CALD1: variants seen among roughly 807,000 people sequenced by gnomAD.
CALD1 encodes the protein caldesmon.
Under a neutral mutation model 99.9 loss-of-function variants are expected in CALD1, and 33 were observed. That is an observed-to-expected ratio of 0.33 (90% CI 0.25 to 0.44). CALD1 has a LOEUF of 0.44. CALD1 is among the 20% of genes least tolerant of loss of function. The pLI is 1.00. For missense variants in CALD1, 861 were observed against 962.1 expected (o/e 0.89, Z 1.39); for synonymous variants, 310 against 325.0 (o/e 0.95, Z 0.50).
chr7:134,838,816 T>C (rs1014540599), intron 1 of CALD1, among the ~76,000 whole-genome samples: 2 of 152,222 alleles, frequency 1.3e-5, no homozygotes, highest in African/African-American at 4.8e-5. Flanking sequence ...TGACAAGAGA[T>C]AGTGAACTTT....
At chr7:134,836,059 C>T (rs570401974) in intron 1 of CALD1, among the ~76,000 whole-genome samples, 2 of 149,642 alleles carry the variant, frequency 1.3e-5, no homozygotes, top group Admixed American at 1.3e-4. Context: ...GCAGGAGAAT[C>T]ACTTGAACCT....
chr7:134,848,917 G>A (rs3800734), intron 2 of CALD1, among the ~76,000 whole-genome samples: 78,026 of 151,992 alleles, frequency 0.51, 22,318 homozygotes, highest in African/African-American at 0.77. Flanking sequence ...TCAGTCAGTC[G>A]TTAATTCATT....
chr7:134,935,885 G>A, intron 6 of CALD1, 120 bp downstream of exon 6: 1 of 927,244 alleles, frequency 1.1e-6, no homozygotes, highest in Non-Finnish European at 1.6e-6. Flanking sequence ...TTCAAGCCAT[G>A]ACTCACAGTC....
intron 11 of CALD1, among the ~76,000 whole-genome samples, chr7:134,958,885 A>T (rs1356607178): frequency 6.4e-5 from 3 of 46,766 alleles, no homozygotes; most frequent in South Asian, 7.4e-4. Context: ...ATATATATAT[A>T]TATATATATA....
chr7:134,835,785 A>G (rs1799410197), intron 1 of CALD1, among the ~76,000 whole-genome samples: 1 of 152,172 alleles, frequency 6.6e-6, no homozygotes, highest in Admixed American at 6.5e-5. Context: ...AAGAGGTTCA[A>G]TTTGGCCAAA....
chr7:134,796,807 G>A (rs1329750338), intron 1 of CALD1, among the ~76,000 whole-genome samples: 9 of 152,076 alleles, frequency 5.9e-5, no homozygotes, highest in African/African-American at 1.7e-4. Context: ...GGTTGGTCTT[G>A]AACTCCTGGC....
chr7:134,784,854 C>T (rs796442969), intron 1 of CALD1, among the ~76,000 whole-genome samples: 13 of 152,298 alleles, frequency 8.5e-5, no homozygotes, highest in African/African-American at 2.4e-4. Flanking sequence ...GCTCAGCGCA[C>T]GTGTCTGCCT....
At chr7:134,862,159 T>C (rs1406905150) in intron 2 of CALD1, among the ~76,000 whole-genome samples, 1 of 152,238 alleles carries the variant, frequency 6.6e-6, no homozygotes. Context: ...TAAGGTTATA[T>C]GATCCAATGA....
intron 7 of CALD1, among the ~76,000 whole-genome samples, chr7:134,943,901 A>G: frequency 6.6e-6 from 1 of 152,210 alleles, no homozygotes; most frequent in East Asian, 1.9e-4. Context: ...AATTAATGAT[A>G]TTAGATTCTA....
chr7:134,906,272 G>C (rs1192660661), intron 3 of CALD1, among the ~76,000 whole-genome samples: 1 of 152,150 alleles, frequency 6.6e-6, no homozygotes, highest in Admixed American at 6.6e-5. Flanking sequence ...TCCTGTCAAA[G>C]CCAGAGAACT....
At chr7:134,837,487 C>T (rs561894600) in intron 1 of CALD1, among the ~76,000 whole-genome samples, 22 of 152,196 alleles carry the variant, frequency 1.4e-4, no homozygotes, top group South Asian at 8.3e-4. Context: ...GCATCACAGG[C>T]GCACACCACC....
At chr7:134,921,245 A>G (rs1207368890) in intron 3 of CALD1, among the ~76,000 whole-genome samples, 1 of 152,234 alleles carries the variant, frequency 6.6e-6, no homozygotes, top group East Asian at 1.9e-4. Flanking sequence ...GGTTTATAAT[A>G]TACAGATTCC....
chr7:134,930,173 C>T (rs1805421349), intron 4 of CALD1, among the ~76,000 whole-genome samples: 1 of 152,088 alleles, frequency 6.6e-6, no homozygotes, highest in African/African-American at 2.4e-5. Context: ...CGTATTTTCT[C>T]ACTCGGGCCC....
At chr7:134,910,914 G>C (rs182953720) in intron 3 of CALD1, among the ~76,000 whole-genome samples, 5 of 152,276 alleles carry the variant, frequency 3.3e-5, no homozygotes, top group African/African-American at 1.2e-4. Context: ...GCAAAGAAAT[G>C]CATTAAAACA....
intron 2 of CALD1, among the ~76,000 whole-genome samples, chr7:134,849,621 T>A (rs6944173): frequency 0.51 from 78,119 of 151,984 alleles, 22,366 homozygotes; most frequent in African/African-American, 0.77. Flanking sequence ...TTTTTAAAAA[T>A]ATATTTTTCT....
At chr7:134,824,176 T>C (rs918234959) in intron 1 of CALD1, among the ~76,000 whole-genome samples, 11 of 152,202 alleles carry the variant, frequency 7.2e-5, no homozygotes, top group African/African-American at 2.7e-4. Context: ...AGAACTTACA[T>C]ACTGCAATTT....
At chr7:134,817,839 C>A (rs1798617982) in intron 1 of CALD1, among the ~76,000 whole-genome samples, 1 of 152,090 alleles carries the variant, frequency 6.6e-6, no homozygotes, top group Non-Finnish European at 1.5e-5. Flanking sequence ...AATAAAATTT[C>A]AATAAATTCA....
At chr7:134,734,948 C>T in the CALD1 span, 1 of 189,826 alleles carries the variant, frequency 5.3e-6, no homozygotes, top group Admixed American at 5.7e-5. Context: ...TTCCCCTCAG[C>T]CGTGGCATCA....
chr7:134,717,420 G>T, the CALD1 span, among the ~76,000 whole-genome samples: 5 of 152,172 alleles, frequency 3.3e-5, no homozygotes, highest in African/African-American at 9.7e-5. Flanking sequence ...GGCCAAGAAA[G>T]CACCAGGAAT....
Sources: allele counts gnomAD v4.1 joint callset (sites outside exome capture counted in the v4.1 genomes callset), GRCh38; gene constraint gnomAD v4.1.1; transcripts MANE v1.5; gene names NCBI Gene and HGNC (gene_info 2026-07-23, HGNC 2026-07-21).